The following ERLIN1 variants were observed in gnomAD, a reference collection of about 807,000 sequenced individuals.
ERLIN1 encodes the protein erlin-1.
ERLIN1 carries 24 observed loss-of-function variants against 46.9 expected under a neutral mutation model. The ratio of observed to expected loss-of-function variants is 0.51; its 90% CI spans 0.37 to 0.72. The LOEUF (loss-of-function observed/expected upper bound fraction) is 0.72, where lower values mean the gene tolerates loss of function less well. Among genes scored for constraint, ERLIN1 ranks in the 30% least tolerant of loss-of-function variants. The pLI, the probability that ERLIN1 is intolerant of heterozygous loss-of-function variation, is 0.00. For missense variants in ERLIN1, 293 were observed against 417.9 expected (o/e 0.70, Z 2.61); for synonymous variants, 158 against 143.2 (o/e 1.10, Z -0.74).
At chr10:100,155,077 C>T (rs1843001056) in intron 9 of ERLIN1, 138 bp from the exon 10 acceptor site, 3 of 652,176 alleles carry the variant, frequency 4.6e-6, no homozygotes, top group Admixed American at 2.6e-5. Flanking sequence ...AAGTCCCAGT[C>T]CCCAAACAGC....
intron 7 of ERLIN1, among the ~76,000 whole-genome samples, chr10:100,165,223 C>T (rs1843563635): frequency 6.6e-6 from 1 of 152,178 alleles, no homozygotes; most frequent in Non-Finnish European, 1.5e-5. Context: ...GATCCAGAAT[C>T]ATCTGAAAAG....
intron 10 of ERLIN1, among the ~76,000 whole-genome samples, chr10:100,152,640 A>C (rs902277000): frequency 2.0e-5 from 3 of 152,210 alleles, no homozygotes; most frequent in African/African-American, 7.2e-5. Context: ...GATAATAACT[A>C]ATATTTCTAA....
At chr10:100,169,967 A>G (rs1460053375) in intron 6 of ERLIN1, among the ~76,000 whole-genome samples, 1 of 152,062 alleles carries the variant, frequency 6.6e-6, no homozygotes, top group African/African-American at 2.4e-5. Context: ...GCAGTGACCT[A>G]TGATCATGCC....
At chr10:100,177,375 G>T (rs115015115) in intron 4 of ERLIN1, among the ~76,000 whole-genome samples, 77 of 152,162 alleles carry the variant, frequency 5.1e-4, no homozygotes, top group African/African-American at 1.8e-3. Context: ...ACAGTAATAC[G>T]CCTGCTCTCT....
chr10:100,185,763 T>A lies in ERLIN1; in HGVS notation c.-137A>T. ...TGAGCCGGGGAGTCCAGTACCCCTG[T>A]CCCCTCATTCTTCCCTTCTGGCTGA... On this transcript the variant is annotated 5_prime_UTR_variant, in exon 1 of 11. Coordinates refer to ENST00000421367, the MANE Select transcript of ERLIN1 (RefSeq NM_006459.4). The A allele has an allele frequency of 1.5e-6, 1 of 667,416 alleles. No homozygotes were observed. The highest frequency in any genetic ancestry group is 1.8e-5 in the South Asian group (1 of 56,416). The allele number at this position is 667,416 out of a possible 1,614,324, so 41.3% of individuals were successfully genotyped here.
chr10:100,166,109 T>C (rs1843623525), intron 7 of ERLIN1, among the ~76,000 whole-genome samples: 1 of 152,202 alleles, frequency 6.6e-6, no homozygotes, highest in Non-Finnish European at 1.5e-5. Flanking sequence ...AAAGAAGAGT[T>C]CTTTGTCTAC....
At chr10:100,152,648 T>C (rs1474969945) in intron 10 of ERLIN1, among the ~76,000 whole-genome samples, 2 of 152,244 alleles carry the variant, frequency 1.3e-5, no homozygotes, top group East Asian at 1.9e-4. Flanking sequence ...CTAATATTTC[T>C]AAAGTGACTT....
chr10:100,184,302 T>G (rs1360102083), intron 1 of ERLIN1, among the ~76,000 whole-genome samples: 2 of 152,148 alleles, frequency 1.3e-5, no homozygotes, highest in African/African-American at 4.8e-5. Flanking sequence ...TTTCGATCTA[T>G]CTACAAGGTA....
chr10:100,183,903 G>T, intron 1 of ERLIN1, 66 bp from the exon 2 acceptor site: 1 of 1,183,592 alleles, frequency 8.4e-7, no homozygotes, highest in Non-Finnish European at 1.3e-6. Flanking sequence ...AATCTAAAAT[G>T]CTATAATAAA....
At chr10:100,178,530 G>A (rs1337988479) in intron 3 of ERLIN1, among the ~76,000 whole-genome samples, 1 of 152,130 alleles carries the variant, frequency 6.6e-6, no homozygotes, top group Non-Finnish European at 1.5e-5. Context: ...TTCTCAAAGT[G>A]AGGTCTTCAG....
chr10:100,176,408 G>C (rs774049011), intron 4 of ERLIN1, among the ~76,000 whole-genome samples: 3 of 152,144 alleles, frequency 2.0e-5, no homozygotes, highest in Non-Finnish European at 4.4e-5. Flanking sequence ...TTACGCTTTG[G>C]CCAGCAGTGT....
intron 8 of ERLIN1, among the ~76,000 whole-genome samples, chr10:100,160,759 C>G (rs1022014903): frequency 6.6e-6 from 1 of 152,092 alleles, no homozygotes; most frequent in South Asian, 2.1e-4. Context: ...CCAGCCTGGG[C>G]AACATGGTGA....
chr10:100,172,897 C>A (rs974724782), intron 6 of ERLIN1, among the ~76,000 whole-genome samples: 3 of 152,136 alleles, frequency 2.0e-5, no homozygotes, highest in African/African-American at 7.2e-5. Flanking sequence ...CTGAGTAACA[C>A]CCTGGGCAGA....
At chr10:100,168,560 A>C (rs1399984234) in intron 6 of ERLIN1, among the ~76,000 whole-genome samples, 3 of 152,204 alleles carry the variant, frequency 2.0e-5, no homozygotes, top group African/African-American at 7.2e-5. Context: ...TGTGACTAGC[A>C]GACATAAGAT....
chr10:100,167,239 C>T lies in ERLIN1; in HGVS notation c.563+109G>A, dbSNP rs957495616. On this transcript the variant is annotated intron_variant, in intron 7 of 10. Coordinates refer to ENST00000421367, the MANE Select transcript of ERLIN1 (RefSeq NM_006459.4). The stretch of plus-strand genomic sequence containing the variant: ...TAGAGTAAGAGTAAAGAAGATAAGA[C>T]ACATACTCCACCCCAGAGTGTATTG... 5.1e-6 allele frequency: 4 copies of T among 791,548 alleles called. No individual in the cohort carries two copies. The African/African-American group carries it at 7.0e-5, about 14-fold the overall frequency. 49.0% of individuals were successfully genotyped at this position (791,548 alleles called of 1,614,324 possible). A position where few individuals can be genotyped will look rare whatever the true frequency, so the allele number is the denominator to read the frequency against.
chr10:100,164,370 G>A lies in ERLIN1; in HGVS notation c.564-275C>T, dbSNP rs560017168. Among the ~76,000 whole-genome samples, 11 of 152,356 alleles carry A rather than the reference G, an allele frequency of 7.2e-5. No homozygotes were observed. In the South Asian group the frequency reaches 2.1e-3, roughly 29 times the overall value. On this transcript the variant is annotated intron_variant, in intron 7 of 10. Coordinates refer to ENST00000421367, the MANE Select transcript of ERLIN1 (RefSeq NM_006459.4). ...TCTTCTCCTAGTTGTATTGTGTAAA[G>A]CCTGTGATTTGGAAGGGAATATATC...
At chr10:100,172,983 C>G (rs1844088925) in intron 6 of ERLIN1, among the ~76,000 whole-genome samples, 1 of 152,180 alleles carries the variant, frequency 6.6e-6, no homozygotes, top group African/African-American at 2.4e-5. Flanking sequence ...TTGAACAACT[C>G]AGAGGATTTT....
chr10:100,181,950 T>C (rs1052399831), intron 2 of ERLIN1, among the ~76,000 whole-genome samples: 30 of 152,324 alleles, frequency 2.0e-4, no homozygotes, highest in Admixed American at 6.5e-4. Context: ...ATGCGAAGTA[T>C]TTTAGTTTAC....
chr10:100,165,596 T>G (rs56677541), intron 7 of ERLIN1, among the ~76,000 whole-genome samples: 3 of 151,912 alleles, frequency 2.0e-5, no homozygotes, highest in Non-Finnish European at 4.4e-5. Flanking sequence ...TTGTGTTAGC[T>G]AGGATGGTCT....
Sources: allele counts gnomAD v4.1 joint callset (sites outside exome capture counted in the v4.1 genomes callset), GRCh38; gene constraint gnomAD v4.1.1; transcripts MANE v1.5; gene names NCBI Gene and HGNC (gene_info 2026-07-23, HGNC 2026-07-21).